Variants in C16orf96 observed in about 807,000 individuals in gnomAD.
C16orf96 encodes the protein uncharacterized protein C16orf96.
A neutral mutation model predicts 103.6 loss-of-function variants in C16orf96; 108 were observed. The observed-to-expected ratio is 1.04, with a 90% CI of 0.89 to 1.22. The LOEUF (loss-of-function observed/expected upper bound fraction) is 1.22, where lower values mean the gene tolerates loss of function less well. Among genes scored for constraint, C16orf96 ranks in the 50% most tolerant of loss-of-function variants. The pLI, the probability that C16orf96 is intolerant of heterozygous loss-of-function variation, is 0.00. For missense variants in C16orf96, 1,586 were observed against 1,464.2 expected, an observed-to-expected ratio of 1.08 and a Z score of -1.36; for synonymous variants, 566 against 593.5, an observed-to-expected ratio of 0.95 and a Z score of 0.67.
At chr16:4,591,614 G>T (rs1257761602) in intron 9 of C16orf96, 52 bp from the exon 10 acceptor site, 1 of 1,412,928 alleles carries the variant, frequency 7.1e-7, no homozygotes, top group Non-Finnish European at 9.8e-7. Flanking sequence ...GAAGGAGGCA[G>T]GGTGTGAATT....
Position 4,575,029 on chromosome 16 carries a change from A to T in C16orf96, c.664A>T (p.Ser222Cys). The T allele has an allele frequency of 6.4e-7, 1 of 1,551,514 alleles. No individual in the cohort carries two copies. The highest frequency in any genetic ancestry group is 1.2e-5 in the South Asian group (1 of 84,066). ...CAAAACCGAGGACATGGTGCTCTGG[A>T]GTGGCCTTCATGATGCCATGTTCAC... ...IPKTEDMVLW[S>C]GLHDAMFTSE... Residue 222 changes from serine to cysteine, a missense_variant, in exon 4 of 16, where the codon AGT becomes TGT. Transcript: ENST00000444310.
chr16:4,600,674 G>A lies in C16orf96; in HGVS notation c.*357G>A. The stretch of plus-strand genomic sequence containing the variant: ...GGACCCCCATGCTGACCCAGTGGCT[G>A]TTTTATCCTGTGCATATAAATACAA... On this transcript the variant is annotated 3_prime_UTR_variant, in exon 16 of 16. Coordinates refer to ENST00000444310, the MANE Select transcript of C16orf96 (RefSeq NM_001145011.2). The A allele has an allele frequency of 3.1e-6, 1 of 317,662 alleles. No individual in the cohort carries two copies. The highest frequency in any genetic ancestry group is 6.0e-6 in the Non-Finnish European group (1 of 166,110). The allele number at this position is 317,662 out of a possible 1,614,324, so 19.7% of individuals were successfully genotyped here. A position where few individuals can be genotyped will look rare whatever the true frequency, so the allele number is the denominator to read the frequency against.
At chr16:4,592,423 G>T in intron 11 of C16orf96, 56 bp downstream of exon 11, 9 of 1,538,118 alleles carry the variant, frequency 5.9e-6, no homozygotes, top group Non-Finnish European at 7.9e-6. Context: ...GCCCATGGAG[G>T]TCATCTCCGT....
In C16orf96 at chr16:4,588,212, C is replaced by T. The variant is rs760017446; in HGVS notation, c.2473C>T (p.Leu825=). 2.6e-6 allele frequency: 4 copies of T among 1,551,642 alleles called. No individual in the cohort carries two copies. The highest frequency in any genetic ancestry group is 1.2e-5 in the South Asian group (1 of 84,062). ...ALAGKASRVD[L]ETVALELNEM... ...GGCAGGCAAGGCAAGCCGCGTTGAC[C>T]TGGAGACTGTGGCCTTGGAGCTGAA... The change falls in exon 9 of 16, where the codon CTG becomes TTG. Residue 825 remains leucine (L), a synonymous_variant. Transcript: ENST00000444310.
intron 1 of C16orf96, among the ~76,000 whole-genome samples, chr16:4,566,512 AT>A (rs765882277): frequency 1.3e-4 from 20 of 152,066 alleles, no homozygotes; most frequent in Non-Finnish European, 2.8e-4. Context: ...ATCTTTGCCC[AT>A]TTTTAATTGG....
At chr16:4,573,173 C>T (rs2059457668) in intron 2 of C16orf96, among the ~76,000 whole-genome samples, 1 of 152,122 alleles carries the variant, frequency 6.6e-6, no homozygotes. Flanking sequence ...CCTGGTGTCT[C>T]ACGCCTGTAA....
intron 14 of C16orf96, among the ~76,000 whole-genome samples, chr16:4,596,108 G>A (rs1181083212): frequency 1.3e-5 from 2 of 152,082 alleles, no homozygotes; most frequent in African/African-American, 2.4e-5. Flanking sequence ...ACCCTGATTC[G>A]TCTCCTGGGG....
At chr16:4,576,978 G>A (rs181708157) in intron 5 of C16orf96, among the ~76,000 whole-genome samples, 19 of 151,850 alleles carry the variant, frequency 1.3e-4, no homozygotes, top group Non-Finnish European at 2.9e-5. Context: ...GATCACCTGA[G>A]ACCGCAAGTT....
At chr16:4,552,063 T>G (rs1049475132), upstream of C16orf96, among the ~76,000 whole-genome samples, 1 of 152,210 alleles carries the variant, frequency 6.6e-6, no homozygotes, top group South Asian at 2.1e-4. Context: ...GTTTACAGCT[T>G]CATCCACGTC....
upstream of C16orf96, among the ~76,000 whole-genome samples, chr16:4,553,897 T>C (rs1435166557): frequency 1.3e-5 from 2 of 152,304 alleles, no homozygotes; most frequent in East Asian, 3.9e-4. Flanking sequence ...AGTCACTTGC[T>C]CAAGATTCCA....
chr16:4,545,590 A>G, the C16orf96 span, among the ~76,000 whole-genome samples: 1 of 152,132 alleles, frequency 6.6e-6, no homozygotes, highest in South Asian at 2.1e-4. Context: ...TCCAGGTGAT[A>G]TTTGATCACC....
chr16:4,567,332 G>A (rs2059392898), intron 1 of C16orf96, among the ~76,000 whole-genome samples: 1 of 139,904 alleles, frequency 7.1e-6, no homozygotes, highest in Non-Finnish European at 1.5e-5. Context: ...CACCCAGGCT[G>A]GAGTGCAATG....
chr16:4,577,841 A>C (rs2059531848), intron 5 of C16orf96, among the ~76,000 whole-genome samples: 1 of 152,204 alleles, frequency 6.6e-6, no homozygotes, highest in Non-Finnish European at 1.5e-5. Flanking sequence ...CTGTAATCCC[A>C]GCTACCTCGG....
At chr16:4,587,505 G>A (rs1266545350) in intron 8 of C16orf96, among the ~76,000 whole-genome samples, 1 of 136,372 alleles carries the variant, frequency 7.3e-6, no homozygotes, top group Admixed American at 7.8e-5. Context: ...TCCAGCCTGG[G>A]CAACAAGAGC....
At chr16:4,578,809 A>G in intron 5 of C16orf96, 131 bp from the exon 6 acceptor site, 1 of 493,412 alleles carries the variant, frequency 2.0e-6, no homozygotes, top group Non-Finnish European at 3.7e-6. Flanking sequence ...AGGTACCACA[A>G]GCTGCGAGGC....
At chr16:4,562,901 T>C (rs913192456) in intron 1 of C16orf96, 31 of 1,423,590 alleles carry the variant, frequency 2.2e-5, no homozygotes, top group Non-Finnish European at 2.9e-5. Flanking sequence ...CTTTTCTTCC[T>C]GGTTTCATTT....
At chr16:4,564,759 C>T (rs114867142) in intron 1 of C16orf96, among the ~76,000 whole-genome samples, 4 of 152,150 alleles carry the variant, frequency 2.6e-5, no homozygotes, top group Non-Finnish European at 4.4e-5. Flanking sequence ...TTCAGTGAAC[C>T]GAGATCGCGC....
chr16:4,544,466 G>T, the C16orf96 span, among the ~76,000 whole-genome samples: 1 of 152,110 alleles, frequency 6.6e-6, no homozygotes, highest in African/African-American at 2.4e-5. Flanking sequence ...ATATTAGCTG[G>T]GTGTGGTGCA....
intron 11 of C16orf96, among the ~76,000 whole-genome samples, chr16:4,592,761 G>A (rs1897088558): frequency 6.6e-6 from 1 of 152,184 alleles, no homozygotes; most frequent in South Asian, 2.1e-4. Flanking sequence ...CTACTCAGGA[G>A]GCTGAGATGG....
Sources: allele counts gnomAD v4.1 joint callset (sites outside exome capture counted in the v4.1 genomes callset), GRCh38; gene constraint gnomAD v4.1.1; transcripts MANE v1.5; gene names NCBI Gene and HGNC (gene_info 2026-07-23, HGNC 2026-07-21).